ADAR: variants seen among roughly 807,000 people sequenced by gnomAD.
ADAR encodes double-stranded RNA-specific adenosine deaminase.
In ADAR, 41 loss-of-function variants were observed where a neutral mutation model predicts 113.2. The ratio of observed to expected loss-of-function variants is 0.36; its 90% CI spans 0.28 to 0.47. The LOEUF (loss-of-function observed/expected upper bound fraction) is 0.47. Ranked by LOEUF, ADAR falls within the 20% of genes least tolerant of loss-of-function variation. ADAR has a pLI of 1.00. For synonymous variants in ADAR, 605 were observed against 572.6 expected (o/e 1.06, Z -0.81); for missense variants, 1,242 against 1,540.9 (o/e 0.81, Z 3.25).
At position 154,585,125 on chromosome 1, in the gene ADAR, C is replaced by T. The variant is rs560401349; in HGVS notation, c.3444-82G>A. 252 of 1,612,086 alleles carry T rather than the reference C, an allele frequency of 1.6e-4. 1 individual carries two copies. The African/African-American group carries it at 2.6e-3, about 17-fold the overall frequency. On this transcript the variant is annotated intron_variant, in intron 14 of 14. Transcript: ENST00000368474. Reference sequence around the variant, plus strand: ...AGTGGAGACACCGTGGGAGGGGAGGCGGCTCTCAAGCCCTGAGACTGCAGA... The same window carrying T: ...AGTGGAGACACCGTGGGAGGGGAGGTGGCTCTCAAGCCCTGAGACTGCAGA...
intron 11 of ADAR, among the ~76,000 whole-genome samples, chr1:154,586,706 C>T (rs1696789492): frequency 6.6e-6 from 1 of 152,160 alleles, no homozygotes; most frequent in South Asian, 2.1e-4. Flanking sequence ...CAGGGGACAC[C>T]TCCTGGGACA....
At chr1:154,613,718 A>G (rs187956841) in intron 1 of ADAR, among the ~76,000 whole-genome samples, 1 of 152,220 alleles carries the variant, frequency 6.6e-6, no homozygotes, top group Admixed American at 6.5e-5. Flanking sequence ...CCGCCTGACT[A>G]ACATAGAGAA....
chr1:154,616,195 G>A lies in ADAR; in HGVS notation c.-871+11660C>T, dbSNP rs528723749. ...GCATTCGTTTCATTGTTGTATTTCA[G>A]TGATACATATATGCTGCAGGAATCT... On this transcript the variant is annotated intron_variant, in intron 1 of 14. Transcript: ENST00000368471. Among the ~76,000 whole-genome samples the A allele has an allele frequency of 2.6e-5, 4 of 152,312 alleles. No individual in the cohort carries two copies. The South Asian group carries it at 8.3e-4, about 32-fold the overall frequency.
intron 11 of ADAR, among the ~76,000 whole-genome samples, chr1:154,587,806 A>C (rs181626998): frequency 1.2e-3 from 186 of 152,286 alleles, no homozygotes; most frequent in African/African-American, 4.2e-3. Flanking sequence ...AATCCTATGC[A>C]TTCTCATGGC....
chr1:154,584,977 G>A lies in ADAR; in HGVS notation c.3510C>T (p.Ser1170=). The stretch of plus-strand genomic sequence containing the variant: ...TCAGTAGATCCCTGCGGTAACGGAA[G>A]GAGCAGAGCTTCTTAAATAGAAGAA... ...NIFLLFKKLC[S]FRYRRDLLRL... Residue 1170 remains serine (S), a synonymous_variant, in exon 15 of 15, where the codon TCC becomes TCT. Coordinates refer to ENST00000368474, the MANE Select transcript of ADAR (RefSeq NM_001111.5). The A allele has an allele frequency of 1.2e-6, 2 of 1,614,206 alleles. No individual in the cohort carries two copies. Among genetic ancestry groups the A allele is most frequent in the Non-Finnish European group, 1.7e-6 (2 of 1,180,046 alleles).
Position 154,601,928 on chromosome 1 carries a change from T to C in ADAR, c.714A>G (p.Ser238=), listed in dbSNP as rs747829977. The C allele has an allele frequency of 6.2e-7, 1 of 1,613,804 alleles. No homozygotes were observed. Among genetic ancestry groups the C allele is most frequent in the Non-Finnish European group, 8.5e-7 (1 of 1,179,908 alleles). Residue 238 remains serine, a synonymous_variant, in exon 2 of 15, where the codon TCA becomes TCG. Coordinates refer to ENST00000368474, the MANE Select transcript of ADAR (RefSeq NM_001111.5). The surrounding 1 kb of genome is among the most constrained non-coding windows in gnomAD (Gnocchi z 4.7). Reference sequence around the variant, plus strand: ...CAATAAAAGGCTCAAGAAGATCTTCTGAGACAGATGTGGAGTTTCTGTCTT... The same window carrying C: ...CAATAAAAGGCTCAAGAAGATCTTCCGAGACAGATGTGGAGTTTCTGTCTT... ...EPEDRNSTSV[S]EDLLEPFIAV... is the part of the protein sequence containing the mutation.
At position 154,594,225 on chromosome 1, in the gene ADAR, T is replaced by G. The variant is rs1697348986; in HGVS notation, c.2270+2580A>C. Among the ~76,000 whole-genome samples, 3 of 152,204 alleles carry G rather than the reference T, an allele frequency of 2.0e-5. No individual in the cohort carries two copies. The South Asian group carries it at 6.2e-4, about 32-fold the overall frequency. ...GAGAGACAAATTTAAAGTAACAAGA[T>G]AGCATTTTTATAAGCTTTTTTCCTT... is the stretch of plus-strand genomic sequence containing the variant. On this transcript the variant is annotated intron_variant, in intron 6 of 14. Transcript: ENST00000368474.
At chr1:154,592,839 A>G (rs1697235050) in intron 6 of ADAR, among the ~76,000 whole-genome samples, 1 of 151,830 alleles carries the variant, frequency 6.6e-6, no homozygotes, top group African/African-American at 2.4e-5. Flanking sequence ...TCCAGCATTT[A>G]GATATTAAAG....
chr1:154,585,185 T>C (rs2101559392), intron 14 of ADAR, 32 bp downstream of exon 14: 2 of 1,614,144 alleles, frequency 1.2e-6, no homozygotes, highest in African/African-American at 1.3e-5. Context: ...GGGCAGAGGC[T>C]TGGTCCTCAC....
At chr1:154,591,119 G>A (rs1200306452) in intron 6 of ADAR, among the ~76,000 whole-genome samples, 1 of 152,178 alleles carries the variant, frequency 6.6e-6, no homozygotes, top group Non-Finnish European at 1.5e-5. Context: ...AACAGAATAT[G>A]ATAAAATCAT....
intron 2 of ADAR, 70 bp from the exon 3 acceptor site, chr1:154,598,655 T>C: frequency 6.5e-7 from 1 of 1,541,094 alleles, no homozygotes; most frequent in South Asian, 1.1e-5. Context: ...CAAAGAGACC[T>C]TCAACCTGGA....
At chr1:154,614,193 T>A (rs1698570817) in intron 1 of ADAR, among the ~76,000 whole-genome samples, 3 of 152,252 alleles carry the variant, frequency 2.0e-5, no homozygotes, top group Admixed American at 1.3e-4. Flanking sequence ...TTCAGTCGGA[T>A]AACTACCCCA....
intron 1 of ADAR, among the ~76,000 whole-genome samples, chr1:154,622,105 A>G (rs1698804529): frequency 1.3e-5 from 2 of 152,136 alleles, no homozygotes; most frequent in African/African-American, 4.8e-5. Context: ...CTGAAGACAG[A>G]TGCTTGAGCA....
Position 154,596,861 on chromosome 1 carries a change from A to G in ADAR, c.2214T>C (p.His738=). The stretch of plus-strand genomic sequence containing the variant: ...CCAACTTGAATTCAGCAGCAAAGCC[A>G]TGGGAGCGGGCGTACTCCAAAAGGC... ...VGGLLEYARS[H]GFAAEFKLVD... is the part of the protein sequence containing the mutation. Residue 738 remains histidine, a synonymous_variant, in exon 6 of 15, where the codon CAT becomes CAC. Transcript: ENST00000368474. 1.2e-6 allele frequency: 2 copies of G among 1,614,132 alleles called. No homozygotes were observed. Among genetic ancestry groups the G allele is most frequent in the Non-Finnish European group, 1.7e-6 (2 of 1,180,032 alleles).
rs977771584 is a variant in ADAR at position 154,601,587 on chromosome 1, A to G, written c.1055T>C (p.Ile352Thr). ...TCGCTTCTTGTCTGTCAAATGCCAT[A>G]TGGGAGGGGTTGTCCCTTGTCTATA... ...DVYRQGTTPP[I>T]WHLTDKKRER... The change falls in exon 2 of 15, where the codon ATA (isoleucine) becomes ACA (threonine). Residue 352 changes from isoleucine to threonine, a missense_variant. Physicochemically the swap from Ile to Thr is moderately conservative, Grantham distance 89. Around this residue, in one of 2 missense-constraint regions of ADAR, gnomAD observed 462 missense variants for 483.1 expected, o/e 0.96. Transcript: ENST00000368474. This position sits in a 1 kb window ranked among gnomAD's most constrained non-coding sequence, Gnocchi z 4.7. 1 of 1,612,624 alleles carries G rather than the reference A, an allele frequency of 6.2e-7. No homozygotes were observed. The highest frequency in any genetic ancestry group is 8.5e-7 in the Non-Finnish European group (1 of 1,180,004).
At chr1:154,609,313 G>T (rs1048402302), upstream of ADAR, among the ~76,000 whole-genome samples, 15 of 152,146 alleles carry the variant, frequency 9.9e-5, no homozygotes. Flanking sequence ...AAGGTATCTG[G>T]GAAACGATTA....
At chr1:154,608,264 G>A (rs907653359), upstream of ADAR, 2 of 502,076 alleles carry the variant, frequency 4.0e-6, no homozygotes, top group South Asian at 2.7e-5. Context: ...CAAATCTTGC[G>A]CCACGCTTGG....
chr1:154,608,059 C>G lies in ADAR; in HGVS notation c.-53G>C, dbSNP rs1698321132. 2 of 1,541,452 alleles carry G rather than the reference C, an allele frequency of 1.3e-6. No homozygotes were observed. The highest frequency in any genetic ancestry group is 2.0e-5 in the Admixed American group (1 of 49,950). ...ACCCGCCGGCGGCACGACCCTGGCC[C>G]GACCGCTGGGCCGCGCCAGCCCCTC... On this transcript the variant is annotated 5_prime_UTR_variant, in exon 1 of 15. Transcript: ENST00000368474.
intron 11 of ADAR, among the ~76,000 whole-genome samples, chr1:154,586,703 C>A (rs551880216): frequency 6.6e-6 from 1 of 152,294 alleles, no homozygotes; most frequent in South Asian, 2.1e-4. Flanking sequence ...CCACAGGGGA[C>A]ACCTCCTGGG....
Sources: allele counts gnomAD v4.1 joint callset (sites outside exome capture counted in the v4.1 genomes callset), GRCh38; gene constraint gnomAD v4.1.1; regional missense constraint gnomAD v4.1.1; non-coding constraint Gnocchi (gnomAD v3.1); transcripts MANE v1.5; gene names NCBI Gene and HGNC (gene_info 2026-07-23, HGNC 2026-07-21).